Variants in SYNE2 observed in about 807,000 individuals in gnomAD.
SYNE2 encodes nesprin-2.
Under a neutral mutation model 856.3 loss-of-function variants are expected in SYNE2, and 431 were observed. That is an observed-to-expected ratio of 0.50 (90% CI 0.47 to 0.55). SYNE2 has a LOEUF of 0.55. Among genes scored for constraint, SYNE2 ranks in the 20% least tolerant of loss-of-function variants. The pLI, the probability that SYNE2 is intolerant of heterozygous loss-of-function variation, is 0.00. For missense variants in SYNE2, 8,129 were observed against 8,023.2 expected (o/e 1.01, Z -0.50); for synonymous variants, 2,923 against 2,872.3 (o/e 1.02, Z -0.56).
At chr14:63,965,665 C>A (rs141600688) in intron 10 of SYNE2, among the ~76,000 whole-genome samples, 1 of 152,214 alleles carries the variant, frequency 6.6e-6, no homozygotes, top group African/African-American at 2.4e-5. Flanking sequence ...CTCCATCTCC[C>A]TGTCTGTTAA....
chr14:64,155,483 T>TGA (rs2098278441), intron 85 of SYNE2, among the ~76,000 whole-genome samples: 1 of 152,092 alleles, frequency 6.6e-6, no homozygotes. Flanking sequence ...CAGTTTCTTT[T>TGA]CAGAGTCATG....
At chr14:63,787,099 G>T (rs1368534137) in intron 1 of SYNE2, among the ~76,000 whole-genome samples, 2 of 152,032 alleles carry the variant, frequency 1.3e-5, no homozygotes, top group African/African-American at 2.4e-5. Flanking sequence ...TTGAGCCCGG[G>T]TATACATACA....
intron 57 of SYNE2, among the ~76,000 whole-genome samples, chr14:64,086,637 A>G (rs1567251860): frequency 6.7e-6 from 1 of 149,064 alleles, no homozygotes; most frequent in African/African-American, 2.5e-5. Flanking sequence ...AACATGGTAT[A>G]TCTCTTTATT....
At position 64,081,530 on chromosome 14, in the gene SYNE2, G is replaced by T; in HGVS notation, c.11434G>T (p.Ala3812Ser). 1 of 1,614,164 alleles carries T rather than the reference G, an allele frequency of 6.2e-7. No individual in the cohort carries two copies. The highest frequency in any genetic ancestry group is 8.5e-7 in the Non-Finnish European group (1 of 1,180,020). Residue 3812 changes from alanine to serine, a missense_variant, in exon 57 of 116, where the codon GCT (alanine) becomes TCT (serine). Ala to Ser is a moderately conservative substitution (Grantham distance 99, BLOSUM62 1). This residue lies in a region of SYNE2 where 5,410 missense variants were observed against 5,284.8 expected (regional missense o/e 1.02). Transcript: ENST00000555002. ...ENTSHLLANP[A>S]DYDSLRTLSH... is the part of the protein sequence containing the mutation. ...TACCAGTCATTTGCTGGCCAATCCTGCTGACTATGACTCTTTGAGGACACT... is the reference window on the plus strand; with the variant it reads ...TACCAGTCATTTGCTGGCCAATCCTTCTGACTATGACTCTTTGAGGACACT...
chr14:64,062,907 G>A lies in SYNE2; in HGVS notation c.10212+12G>A, dbSNP rs1423728833. 1.9e-6 allele frequency: 3 copies of A among 1,613,934 alleles called. No homozygotes were observed. The highest frequency in any genetic ancestry group is 2.7e-5 in the African/African-American group (2 of 74,930). On this transcript the variant is annotated intron_variant, in intron 50 of 115. Coordinates refer to ENST00000555002, the MANE Select transcript of SYNE2 (RefSeq NM_182914.3). ...TGGAACAGAGCAAGGTAATAGTATT[G>A]GCAATTAGCCAGTAAGTCTGTGTGC...
chr14:64,130,697 C>A (rs1051252089), intron 76 of SYNE2, among the ~76,000 whole-genome samples: 1 of 151,906 alleles, frequency 6.6e-6, no homozygotes, highest in African/African-American at 2.4e-5. Flanking sequence ...CCAGCCTGGC[C>A]AACATGGTGA....
chr14:64,038,819 A>C (rs971099125), intron 45 of SYNE2, among the ~76,000 whole-genome samples: 1 of 152,088 alleles, frequency 6.6e-6, no homozygotes, highest in African/African-American at 2.4e-5. Context: ...GCTCGGCATC[A>C]GAGGGAGACC....
At chr14:64,138,936 G>GTGTGTGTGTGTGTGTGTA (rs1162982978) in intron 79 of SYNE2, among the ~76,000 whole-genome samples, 3 of 142,894 alleles carry the variant, frequency 2.1e-5, no homozygotes, top group African/African-American at 8.6e-5. Context: ...GTGTGTGTGT[G>GTGTGTGTGTGTGTGTGTA]TGTATGTATG....
chr14:63,995,200 GA>G lies in SYNE2; in HGVS notation c.2939del (p.Glu980GlyfsTer20). 1.2e-6 allele frequency: 2 copies of G among 1,605,404 alleles called. No homozygotes were observed. Among genetic ancestry groups the G allele is most frequent in the Non-Finnish European group, 1.7e-6 (2 of 1,174,612 alleles). On this transcript the variant is annotated frameshift_variant and splice_region_variant, in exon 23 of 116. Transcript: ENST00000555002. LOFTEE classifies it high-confidence loss of function. ...GACCAAGGGTCTCATCAAAGAACAT[GA>G]GGTACAATAAAGTGTTTCCACTTAA... The part of the protein sequence containing the change: ...GRTKGLIKEH[E>X]ACFSEEGCLY...
intron 63 of SYNE2, among the ~76,000 whole-genome samples, chr14:64,100,531 A>ATATATATATAT (rs1555483884): frequency 1.0e-4 from 4 of 39,468 alleles, no homozygotes; most frequent in Non-Finnish European, 1.4e-4. Context: ...AAAAAAAAAA[A>ATATATATATAT]ATATATATAT....
chr14:63,868,167 A>C (rs1292996028), intron 1 of SYNE2, among the ~76,000 whole-genome samples: 1 of 152,230 alleles, frequency 6.6e-6, no homozygotes, highest in East Asian at 1.9e-4. Flanking sequence ...AAGGTCTTTA[A>C]ATTATAACCC....
Position 64,208,774 on chromosome 14 carries a change from T to C in SYNE2, c.18218T>C (p.Ile6073Thr). ...TAATCACAGGATCTACAGCGAGATA[T>C]TGAACAACACAGCGCAGGGGTGGAG... The part of the protein sequence containing the change: ...LAEQQDLQRD[I>T]EQHSAGVESV... The change falls in exon 101 of 116, where the codon ATT (isoleucine) becomes ACT (threonine). Residue 6073 changes from isoleucine (I) to threonine (T), a missense_variant. Ile to Thr is a moderately conservative substitution (Grantham distance 89). Transcript: ENST00000555002. The C allele has an allele frequency of 1.2e-6, 2 of 1,614,192 alleles. No individual in the cohort carries two copies. Among genetic ancestry groups the C allele is most frequent in the South Asian group, 2.2e-5 (2 of 91,082 alleles).
chr14:63,971,368 G>C (rs1473532792), intron 11 of SYNE2, among the ~76,000 whole-genome samples: 1 of 151,898 alleles, frequency 6.6e-6, no homozygotes, highest in Non-Finnish European at 1.5e-5. Context: ...CACTCGCCTT[G>C]GCCTACTGAA....
chr14:63,883,209 C>T (rs1180355410), intron 1 of SYNE2, among the ~76,000 whole-genome samples: 1 of 152,088 alleles, frequency 6.6e-6, no homozygotes, highest in Non-Finnish European at 1.5e-5. Context: ...CAGGCACATG[C>T]CACCACGCTT....
intron 1 of SYNE2, among the ~76,000 whole-genome samples, chr14:63,795,184 T>G (rs1008598396): frequency 6.6e-6 from 1 of 152,172 alleles, no homozygotes; most frequent in Non-Finnish European, 1.5e-5. Context: ...TGTGAGGGTG[T>G]TGCCAAAGGA....
At chr14:63,894,614 C>G (rs1422719939) in intron 1 of SYNE2, among the ~76,000 whole-genome samples, 1 of 151,928 alleles carries the variant, frequency 6.6e-6, no homozygotes, top group Non-Finnish European at 1.5e-5. Context: ...CTGCTGTTCT[C>G]CCAGAGAGGA....
chr14:63,793,033 A>G (rs1398726519), intron 1 of SYNE2, among the ~76,000 whole-genome samples: 1 of 152,094 alleles, frequency 6.6e-6, no homozygotes, highest in Non-Finnish European at 1.5e-5. Context: ...TACTTTTTTT[A>G]AAGCTATATT....
intron 89 of SYNE2, among the ~76,000 whole-genome samples, chr14:64,164,874 TTTTGTTTG>T (rs1555520749): frequency 3.1e-4 from 47 of 150,986 alleles, no homozygotes; most frequent in Non-Finnish European, 4.7e-4. Context: ...TTTTGTTTTT[TTTTGTTTG>T]TTTGTTTGTT....
rs369862467 is a variant in SYNE2 at position 64,056,015 on chromosome 14, C to T, written c.9816C>T (p.Ile3272=). The T allele has an allele frequency of 1.4e-5, 23 of 1,613,928 alleles. No individual in the cohort carries two copies. The highest frequency in any genetic ancestry group is 2.2e-5 in the East Asian group (1 of 44,892). The change falls in exon 49 of 116, where the codon ATC becomes ATT. Residue 3272 remains isoleucine, a synonymous_variant. Coordinates refer to ENST00000555002, the MANE Select transcript of SYNE2 (RefSeq NM_182914.3). ...CAGTCACCAGGGCAGTGGAGAGCAT[C>T]ACTTCCCTCGAAGCCATCATTATAC... is the stretch of plus-strand genomic sequence containing the variant. ...KEAVTRAVES[I]TSLEAIIIPY...
Sources: allele counts gnomAD v4.1 joint callset (sites outside exome capture counted in the v4.1 genomes callset), GRCh38; gene constraint gnomAD v4.1.1; regional missense constraint gnomAD v4.1.1; transcripts MANE v1.5; gene names NCBI Gene and HGNC (gene_info 2026-07-23, HGNC 2026-07-21).